NCOA2: variants seen among roughly 807,000 people sequenced by gnomAD.
NCOA2 encodes the protein class E basic helix-loop-helix protein 75.
In NCOA2, 21 loss-of-function variants were observed where a neutral mutation model predicts 145.1. The ratio of observed to expected loss-of-function variants is 0.14; its 90% CI spans 0.10 to 0.21. NCOA2 has a LOEUF of 0.21. Among genes scored for constraint, NCOA2 ranks in the 10% least tolerant of loss-of-function variants. The pLI, the probability that NCOA2 is intolerant of heterozygous loss-of-function variation, is 1.00. For missense variants in NCOA2, 1,472 were observed against 1,837.6 expected, an observed-to-expected ratio of 0.80 and a Z score of 3.64; for synonymous variants, 619 against 637.5, an observed-to-expected ratio of 0.97 and a Z score of 0.44.
intron 1 of NCOA2, among the ~76,000 whole-genome samples, chr8:70,384,712 G>A (rs1586654348): frequency 6.6e-6 from 1 of 152,034 alleles, no homozygotes; most frequent in Non-Finnish European, 1.5e-5. Flanking sequence ...AACATAAAGA[G>A]CTTTAACTCT....
At chr8:70,454,105 A>C in the NCOA2 span, among the ~76,000 whole-genome samples, 3,097 of 152,330 alleles carry the variant, frequency 0.02, 38 homozygotes, top group Middle Eastern at 0.051. Flanking sequence ...AATTGTAATC[A>C]CATTTTATCT....
intron 2 of NCOA2, among the ~76,000 whole-genome samples, chr8:70,271,335 T>A (rs1026739021): frequency 6.6e-6 from 1 of 152,200 alleles, no homozygotes; most frequent in African/African-American, 2.4e-5. Flanking sequence ...TTTTACATAT[T>A]TCAACTGACT....
chr8:70,132,058 C>A (rs1563497261), intron 15 of NCOA2, 56 bp from the exon 16 acceptor site: 6 of 1,530,004 alleles, frequency 3.9e-6, no homozygotes, highest in Non-Finnish European at 5.3e-6. Context: ...GATTAGAGAA[C>A]AAATTCTTTA....
At chr8:70,310,401 T>C (rs1425449020) in intron 1 of NCOA2, among the ~76,000 whole-genome samples, 1 of 150,100 alleles carries the variant, frequency 6.7e-6, no homozygotes, top group Admixed American at 6.6e-5. Context: ...TGAGTTCCTC[T>C]ATGAGAAGGA....
At chr8:70,188,120 C>CT (rs936784268) in intron 4 of NCOA2, among the ~76,000 whole-genome samples, 3 of 152,072 alleles carry the variant, frequency 2.0e-5, no homozygotes, top group Admixed American at 6.6e-5. Context: ...AGAAGGTAGC[C>CT]TTTTTTTTGT....
At chr8:70,314,922 C>T (rs1441823296) in intron 1 of NCOA2, among the ~76,000 whole-genome samples, 4 of 152,120 alleles carry the variant, frequency 2.6e-5, no homozygotes, top group African/African-American at 4.8e-5. Context: ...AAATGATAAA[C>T]GCTGATGTGG....
Position 70,399,797 on chromosome 8 carries a change from T to A in NCOA2, c.-77+3903A>T, listed in dbSNP as rs577806812. On this transcript the variant is annotated intron_variant, in intron 1 of 22. Transcript: ENST00000452400. ...CATCCCCTTTTGTATTTTCCTTTAC[T>A]ATCCAATATCCTAAAGAGTGCTTAA... 2.0e-5 allele frequency among the ~76,000 whole-genome samples: 3 copies of A among 152,380 alleles called. No homozygotes were observed. In the South Asian group the frequency reaches 6.2e-4, roughly 32 times the overall value.
At chr8:70,202,075 T>C (rs1177508101) in intron 4 of NCOA2, among the ~76,000 whole-genome samples, 1 of 152,190 alleles carries the variant, frequency 6.6e-6, no homozygotes, top group Non-Finnish European at 1.5e-5. Context: ...AATATCTCCT[T>C]GGAAAAGATG....
intron 5 of NCOA2, among the ~76,000 whole-genome samples, chr8:70,172,787 C>A (rs1814398784): frequency 6.6e-6 from 1 of 152,114 alleles, no homozygotes; most frequent in Non-Finnish European, 1.5e-5. Flanking sequence ...ACTGCTTATA[C>A]CACAGTAAAA....
chr8:70,380,279 T>C (rs1482355466), intron 1 of NCOA2, among the ~76,000 whole-genome samples: 3 of 152,312 alleles, frequency 2.0e-5, no homozygotes, highest in East Asian at 1.9e-4. Context: ...TTCATAATAC[T>C]TTTGTAAGAT....
chr8:70,239,144 AT>A (rs760437989), intron 2 of NCOA2, among the ~76,000 whole-genome samples: 3 of 152,116 alleles, frequency 2.0e-5, no homozygotes, highest in Non-Finnish European at 4.4e-5. Flanking sequence ...CCAGAATATA[AT>A]TTCAACTGCC....
chr8:70,127,578 C>A (rs1808575690), intron 18 of NCOA2, among the ~76,000 whole-genome samples: 1 of 151,996 alleles, frequency 6.6e-6, no homozygotes, highest in African/African-American at 2.4e-5. Context: ...GGAGGAAAGG[C>A]AGGATGGATG....
chr8:70,206,240 C>A (rs1818427053), intron 4 of NCOA2, among the ~76,000 whole-genome samples: 1 of 152,200 alleles, frequency 6.6e-6, no homozygotes, highest in Non-Finnish European at 1.5e-5. Context: ...GGTGTTTGAA[C>A]CTGCAAGTGG....
chr8:70,273,830 T>C (rs1825255888), intron 2 of NCOA2: 2 of 563,324 alleles, frequency 3.6e-6, no homozygotes, highest in Non-Finnish European at 6.9e-6. Context: ...CTTCCAAGAA[T>C]GAGGCAAACT....
At chr8:70,342,406 A>G (rs1274226087) in intron 1 of NCOA2, among the ~76,000 whole-genome samples, 1 of 152,166 alleles carries the variant, frequency 6.6e-6, no homozygotes, top group East Asian at 1.9e-4. Context: ...AGAATTCTAT[A>G]AATTATTACC....
chr8:70,442,116 GAAGAAAGAAAGA>G, the NCOA2 span, among the ~76,000 whole-genome samples: 190 of 82,448 alleles, frequency 2.3e-3, no homozygotes, highest in Admixed American at 3.8e-3. Context: ...GAGAAAGAAA[GAAGAAAGAAAGA>G]AAGAAAGAAA....
At chr8:70,270,248 G>A (rs1824942009) in intron 2 of NCOA2, among the ~76,000 whole-genome samples, 1 of 152,020 alleles carries the variant, frequency 6.6e-6, no homozygotes, top group Non-Finnish European at 1.5e-5. Flanking sequence ...AGCATGATTT[G>A]ATGAAAAGAG....
At chr8:70,363,366 G>C (rs1263309600) in intron 1 of NCOA2, among the ~76,000 whole-genome samples, 11 of 148,764 alleles carry the variant, frequency 7.4e-5, no homozygotes, top group Admixed American at 4.7e-4. Context: ...CTGGGTGACA[G>C]AGCTAGACAC....
chr8:70,159,242 A>ATT (rs763150293), intron 10 of NCOA2, among the ~76,000 whole-genome samples: 9 of 61,068 alleles, frequency 1.5e-4, no homozygotes, highest in South Asian at 7.3e-4. Context: ...ATATATATAT[A>ATT]TTTTTTTTTT....
Sources: allele counts gnomAD v4.1 joint callset (sites outside exome capture counted in the v4.1 genomes callset), GRCh38; gene constraint gnomAD v4.1.1; transcripts MANE v1.5; gene names NCBI Gene and HGNC (gene_info 2026-07-23, HGNC 2026-07-21).